The following C3orf18 variants were observed in gnomAD, a reference collection of about 807,000 sequenced individuals.
The protein encoded by C3orf18 is uncharacterized protein C3orf18.
Under a neutral mutation model 14.1 loss-of-function variants are expected in C3orf18, and 12 were observed. The ratio of observed to expected loss-of-function variants is 0.85; its 90% CI spans 0.55 to 1.38. The LOEUF is 1.38. Among genes scored for constraint, C3orf18 ranks in the 40% most tolerant of loss-of-function variants. The pLI, the probability that C3orf18 is intolerant of heterozygous loss-of-function variation, is 0.00. For missense variants in C3orf18, 196 were observed against 213.9 expected, an observed-to-expected ratio of 0.92 and a Z score of 0.52; for synonymous variants, 82 against 87.9, an observed-to-expected ratio of 0.93 and a Z score of 0.38.
At chr3:50,561,298 C>T (rs554064125) in intron 4 of C3orf18, among the ~76,000 whole-genome samples, 146 of 152,354 alleles carry the variant, frequency 9.6e-4, no homozygotes, top group Middle Eastern at 3.4e-3. Flanking sequence ...TAAGGCCATA[C>T]GCCAAGTAGC....
upstream of C3orf18, chr3:50,570,569 A>G (rs1473753622): frequency 6.6e-6 from 1 of 152,282 alleles, no homozygotes; most frequent in Non-Finnish European, 1.5e-5. Context: ...ATTGCTTGCC[A>G]TGGGTTTGGT....
At chr3:50,573,661 C>T (rs1559455793), upstream of C3orf18, among the ~76,000 whole-genome samples, 1 of 152,196 alleles carries the variant, frequency 6.6e-6, no homozygotes, top group South Asian at 2.1e-4. Flanking sequence ...TGAGAACTCA[C>T]CAGGTTCACC....
intron 4 of C3orf18, among the ~76,000 whole-genome samples, 192 bp downstream of exon 4, chr3:50,561,530 C>T (rs1007796990): frequency 2.6e-5 from 4 of 152,208 alleles, no homozygotes; most frequent in Admixed American, 6.5e-5. Flanking sequence ...ACCTGCCTGC[C>T]CTGTGTGTGA....
In C3orf18 at chr3:50,561,084, C is replaced by T. The variant is rs1435196321; in HGVS notation, c.261-20G>A. On this transcript the variant is annotated intron_variant, in intron 4 of 5. Transcript: ENST00000357203. ...TCCAGCCTGGGGATGGGGGCAAAGG[C>T]TGCTGGGGACAGGGCAGGCCCTTCC... 1 of 1,611,928 alleles carries T rather than the reference C, an allele frequency of 6.2e-7. No homozygotes were observed. The highest frequency in any genetic ancestry group is 2.2e-5 in the East Asian group (1 of 44,870).
At chr3:50,562,375 G>A (rs1700036118) in intron 3 of C3orf18, 2 of 422,890 alleles carry the variant, frequency 4.7e-6, no homozygotes, top group South Asian at 1.7e-5. Flanking sequence ...GCACCTGCCT[G>A]TGGCTCCCCA....
In C3orf18 at chr3:50,559,243, C is replaced by A; in HGVS notation, c.*414G>T. 7.9e-7 allele frequency: 1 copy of A among 1,269,294 alleles called. No homozygotes were observed. Among genetic ancestry groups the A allele is most frequent in the South Asian group, 1.3e-5 (1 of 77,256 alleles). 78.6% of individuals were successfully genotyped at this position (1,269,294 alleles called of 1,614,324 possible). On this transcript the variant is annotated 3_prime_UTR_variant, in exon 6 of 6. Coordinates refer to ENST00000357203, the MANE Select transcript of C3orf18 (RefSeq NM_016210.5). ...CCACCCCAGAGGAGGCTCCAGATTC[C>A]AAAAAACAGGTCTCTCCCTAACAGA...
upstream of C3orf18, chr3:50,569,082 G>A (rs1182663644): frequency 6.6e-6 from 1 of 152,330 alleles, no homozygotes; most frequent in South Asian, 2.1e-4. Context: ...CGGCCCCCAG[G>A]CTAAGATAGA....
At position 50,565,736 on chromosome 3, in the gene C3orf18, G is replaced by T. The variant is rs767311887; in HGVS notation, c.-37C>A. 6.6e-7 allele frequency: 1 copy of T among 1,521,878 alleles called. No homozygotes were observed. The highest frequency in any genetic ancestry group is 9.0e-7 in the Non-Finnish European group (1 of 1,115,514). The allele number at this position is 1,521,878 out of a possible 1,614,324, so 94.3% of individuals were successfully genotyped here. A position where few individuals can be genotyped will look rare whatever the true frequency, so the allele number is the denominator to read the frequency against. Reference sequence around the variant, plus strand: ...GAGGGCCCTGGCTGAGAGGCTGCCTGATGCCAGTCAACCTGCCCACTCACT... The same window carrying T: ...GAGGGCCCTGGCTGAGAGGCTGCCTTATGCCAGTCAACCTGCCCACTCACT... On this transcript the variant is annotated 5_prime_UTR_variant, in exon 3 of 6. Transcript: ENST00000357203. The surrounding 1 kb of genome is among the most constrained non-coding windows in gnomAD (Gnocchi z 4.4).
At chr3:50,562,752 C>T (rs536547261) in intron 3 of C3orf18, among the ~76,000 whole-genome samples, 2 of 152,290 alleles carry the variant, frequency 1.3e-5, no homozygotes, top group South Asian at 4.1e-4. Flanking sequence ...AGCCCCTAGG[C>T]ATCAGCCCAG....
chr3:50,562,293 G>A (rs1178535295), intron 3 of C3orf18: 2 of 360,108 alleles, frequency 5.6e-6, no homozygotes, highest in South Asian at 4.1e-5. Flanking sequence ...ACACAGTTAG[G>A]CCCGGCCTGG....
chr3:50,561,606 G>A, intron 4 of C3orf18, 116 bp downstream of exon 4: 3 of 1,007,918 alleles, frequency 3.0e-6, no homozygotes, highest in Non-Finnish European at 4.6e-6. Context: ...ACCATGAATG[G>A]GCAGGACAGG....
At chr3:50,572,300 G>A (rs1052150715), upstream of C3orf18, 5 of 1,427,982 alleles carry the variant, frequency 3.5e-6, no homozygotes, top group Admixed American at 7.9e-5. Context: ...GGGCACTGGG[G>A]CCCCATGACT....
upstream of C3orf18, chr3:50,567,763 A>T (rs1239175358): frequency 6.6e-6 from 1 of 152,424 alleles, no homozygotes. Context: ...GCCTCCCTGC[A>T]CGCTCCGCGC....
chr3:50,565,249 C>G lies in C3orf18; in HGVS notation c.234+217G>C. The G allele has an allele frequency of 1.8e-6, 1 of 547,320 alleles. No homozygotes were observed. Among genetic ancestry groups the G allele is most frequent in the Admixed American group, 3.2e-5 (1 of 31,004 alleles). The allele number at this position is 547,320 out of a possible 1,614,324, so 33.9% of individuals were successfully genotyped here. On this transcript the variant is annotated intron_variant, in intron 3 of 5. Coordinates refer to ENST00000357203, the MANE Select transcript of C3orf18 (RefSeq NM_016210.5). The surrounding 1 kb of genome is among the most constrained non-coding windows in gnomAD (Gnocchi z 4.4). ...GGGCGTGGCAGCTCACACCTGTAAT[C>G]CCAGCTACTTGGGAGGCTGAGGCAG...
Position 50,565,533 on chromosome 3 carries a change from G to A in C3orf18, c.167C>T (p.Thr56Met), listed in dbSNP as rs559763162. The A allele has an allele frequency of 1.4e-5, 22 of 1,613,912 alleles. No individual in the cohort carries two copies. Among genetic ancestry groups the A allele is most frequent in the African/African-American group, 5.3e-5 (4 of 74,882 alleles). Residue 56 changes from threonine to methionine, a missense_variant, in exon 3 of 6, where the codon ACG (threonine) becomes ATG (methionine). Physicochemically the swap from Thr to Met is moderately conservative, Grantham distance 81 (BLOSUM62 -1). Coordinates refer to ENST00000357203, the MANE Select transcript of C3orf18 (RefSeq NM_016210.5). This position sits in a 1 kb window ranked among gnomAD's most constrained non-coding sequence, Gnocchi z 4.4. ...CAGAAGCATGGTACCCACGCCGGCCGTGCCACCAGCTGCATCAGGGATTCT... is the reference window on the plus strand; with the variant it reads ...CAGAAGCATGGTACCCACGCCGGCCATGCCACCAGCTGCATCAGGGATTCT... Reference protein sequence around the residue: ...DTRIPDAAGGTAGVGTMLLSF... With the variant: ...DTRIPDAAGGMAGVGTMLLSF...
intron 3 of C3orf18, chr3:50,562,473 G>T (rs1372734909): frequency 2.2e-6 from 1 of 454,420 alleles, no homozygotes; most frequent in Non-Finnish European, 4.4e-6. Context: ...AAAAGTAAAG[G>T]GACCCGGTAA....
upstream of C3orf18, chr3:50,571,838 A>G (rs543425642): frequency 4.4e-6 from 7 of 1,582,680 alleles, no homozygotes; most frequent in East Asian, 1.1e-4. Flanking sequence ...GGATGTGTTC[A>G]GGGAGCAGCA....
chr3:50,562,291 AGG>A (rs1700028194), intron 3 of C3orf18: 1 of 195,954 alleles, frequency 5.1e-6, no homozygotes, highest in Non-Finnish European at 9.4e-6. Context: ...CCACACAGTT[AGG>A]CCCGGCCTGG....
At chr3:50,571,707 C>G (rs201605332), upstream of C3orf18, 19 of 1,614,054 alleles carry the variant, frequency 1.2e-5, no homozygotes, top group Non-Finnish European at 1.6e-5. Flanking sequence ...TCTGTGGGGA[C>G]AGTTTCAGAG....
Sources: gnomAD v4.1 joint callset for allele counts (sites outside exome capture counted in the v4.1 genomes callset) on GRCh38, gnomAD v4.1.1 for gene constraint, Gnocchi (gnomAD v3.1) non-coding constraint, MANE v1.5 for transcripts, NCBI Gene and HGNC (gene_info 2026-07-23, HGNC 2026-07-21) for gene names.